The following NAALAD2 variants were observed in gnomAD, a reference collection of about 807,000 sequenced individuals.
The protein encoded by NAALAD2 is N-acetylated alpha-linked acidic dipeptidase 2, also known as N-acetylated-alpha-linked acidic dipeptidase 2.
In NAALAD2, 89 loss-of-function variants were observed where a neutral mutation model predicts 95.6. That is an observed-to-expected ratio of 0.93 (90% CI 0.78 to 1.11). The LOEUF (loss-of-function observed/expected upper bound fraction) is 1.11, where lower values mean the gene tolerates loss of function less well. Among genes scored for constraint, NAALAD2 ranks in the 50% least tolerant of loss-of-function variants. NAALAD2 has a pLI of 0.00. For synonymous variants in NAALAD2, 264 were observed against 294.4 expected (o/e 0.90, Z 1.06); for missense variants, 894 against 872.4 (o/e 1.02, Z -0.31).
At chr11:90,132,857 T>G (rs1951373501), upstream of NAALAD2, among the ~76,000 whole-genome samples, 1 of 152,170 alleles carries the variant, frequency 6.6e-6, no homozygotes, top group South Asian at 2.1e-4. Flanking sequence ...TAAAAAACAC[T>G]GGAGGAGTCA....
At position 90,192,820 on chromosome 11, in the gene NAALAD2, T is replaced by A. The variant is rs1414561706; in HGVS notation, c.*1073T>A. On this transcript the variant is annotated 3_prime_UTR_variant, in exon 19 of 19. Transcript: ENST00000534061. ...GTATATCAGAATCTGCAAACTTTTA[T>A]GCAGATCCCAGTGACTCAATTACAT... 6.6e-6 allele frequency: 1 copy of A among 152,152 alleles called. No homozygotes were observed. The highest frequency in any genetic ancestry group is 2.4e-5 in the African/African-American group (1 of 41,570). 9.4% of individuals were successfully genotyped at this position (152,152 alleles called of 1,614,324 possible).
At chr11:90,169,321 G>T in intron 12 of NAALAD2, 1 of 183,742 alleles carries the variant, frequency 5.4e-6, no homozygotes, top group South Asian at 1.5e-4. Context: ...AATGGAATTT[G>T]GCTAAAACAG....
chr11:90,187,199 T>G (rs561876923), intron 18 of NAALAD2, among the ~76,000 whole-genome samples: 1 of 151,218 alleles, frequency 6.6e-6, no homozygotes, highest in East Asian at 2.0e-4. Context: ...TGTGGAGAAA[T>G]AGGAACACTT....
chr11:90,143,889 G>A (rs1951683931), intron 2 of NAALAD2, among the ~76,000 whole-genome samples: 1 of 152,156 alleles, frequency 6.6e-6, no homozygotes, highest in African/African-American at 2.4e-5. Flanking sequence ...CTACCCATCT[G>A]TGCTGTTGAT....
At position 90,192,113 on chromosome 11, in the gene NAALAD2, T is replaced by G. The variant is rs1469378065; in HGVS notation, c.*366T>G. 1 of 154,100 alleles carries G rather than the reference T, an allele frequency of 6.5e-6. No homozygotes were observed. Among genetic ancestry groups the G allele is most frequent in the African/African-American group, 2.4e-5 (1 of 41,538 alleles). The allele number at this position is 154,100 out of a possible 1,614,324, so 9.5% of individuals were successfully genotyped here. ...TAAAGTTAAACATACACTTTTACTTTAGGACTCCAGAATTCCACTTCTAGT... is the reference window on the plus strand; with the variant it reads ...TAAAGTTAAACATACACTTTTACTTGAGGACTCCAGAATTCCACTTCTAGT... On this transcript the variant is annotated 3_prime_UTR_variant, in exon 19 of 19. Transcript: ENST00000534061.
At chr11:90,174,255 C>T (rs767313921) in intron 14 of NAALAD2, among the ~76,000 whole-genome samples, 11 of 151,610 alleles carry the variant, frequency 7.3e-5, no homozygotes, top group Middle Eastern at 3.4e-3. Context: ...TGCTTGAACC[C>T]GGGAGGCAGA....
At chr11:90,189,888 G>A (rs886749756) in intron 18 of NAALAD2, among the ~76,000 whole-genome samples, 4 of 152,160 alleles carry the variant, frequency 2.6e-5, no homozygotes, top group Non-Finnish European at 5.9e-5. Context: ...AGTCTGCTCA[G>A]TAGTTCTTGA....
At chr11:90,155,122 TATATA>T (rs1208907627) in intron 6 of NAALAD2, among the ~76,000 whole-genome samples, 5 of 131,096 alleles carry the variant, frequency 3.8e-5, no homozygotes, top group Admixed American at 3.5e-4. Flanking sequence ...TATGTGTGTA[TATATA>T]ATATACGTAT....
intron 5 of NAALAD2, 23 bp from the exon 6 acceptor site, chr11:90,152,275 T>C: frequency 6.4e-7 from 1 of 1,555,780 alleles, no homozygotes; most frequent in Non-Finnish European, 8.8e-7. Flanking sequence ...ATCTGCATTA[T>C]GAATTGCACA....
upstream of NAALAD2, among the ~76,000 whole-genome samples, chr11:90,134,158 G>A (rs759953913): frequency 4.6e-5 from 7 of 152,136 alleles, no homozygotes; most frequent in African/African-American, 1.7e-4. Flanking sequence ...TCAGTTAAAT[G>A]AGTGGAAACA....
intron 18 of NAALAD2, among the ~76,000 whole-genome samples, chr11:90,190,096 T>C (rs964252696): frequency 1.3e-5 from 2 of 152,166 alleles, no homozygotes; most frequent in African/African-American, 4.8e-5. Context: ...GCTGCCTGCT[T>C]CTTATCTGAG....
chr11:90,168,913 T>C lies in NAALAD2; in HGVS notation c.1279-16T>C. The stretch of plus-strand genomic sequence containing the variant: ...TAAGTAATGTGAATTAAGTAACAAC[T>C]TTGCTTCAACTACAGGAGAATGTCA... On this transcript the variant is annotated splice_polypyrimidine_tract_variant and intron_variant, in intron 11 of 18. Transcript: ENST00000534061. 1 of 1,590,404 alleles carries C rather than the reference T, an allele frequency of 6.3e-7. No homozygotes were observed. The highest frequency in any genetic ancestry group is 8.6e-7 in the Non-Finnish European group (1 of 1,167,800).
chr11:90,182,023 A>G (rs950300721), intron 17 of NAALAD2, among the ~76,000 whole-genome samples: 1 of 152,036 alleles, frequency 6.6e-6, no homozygotes, highest in Non-Finnish European at 1.5e-5. Context: ...CAAGGGCCAA[A>G]GGTACCTGTC....
chr11:90,190,630 C>A (rs1200596718), intron 18 of NAALAD2, among the ~76,000 whole-genome samples: 1 of 151,970 alleles, frequency 6.6e-6, no homozygotes, highest in Non-Finnish European at 1.5e-5. Flanking sequence ...GGTCAGGATA[C>A]CAATGCTTAT....
At chr11:90,160,977 C>CA (rs1952277730) in intron 8 of NAALAD2, among the ~76,000 whole-genome samples, 1 of 152,134 alleles carries the variant, frequency 6.6e-6, no homozygotes. Flanking sequence ...AGGCCAACTC[C>CA]AAATCATTGC....
rs7939362 is a variant in NAALAD2 at position 90,170,905 on chromosome 11, A to G, written c.1410+769A>G. On this transcript the variant is annotated intron_variant, in intron 13 of 18. Transcript: ENST00000534061. ...GCGTTGGTGGGAAAGATGGTAAGAA[A>G]TGAGGCATAACCAATGGGCCAAGGA... 4.9e-3 allele frequency among the ~76,000 whole-genome samples: 752 copies of G among 152,302 alleles called. 7 individuals are homozygous for G. The highest frequency in any genetic ancestry group is 0.017 in the African/African-American group (706 of 41,564).
At chr11:90,183,614 C>T (rs1199318719) in intron 18 of NAALAD2, among the ~76,000 whole-genome samples, 1 of 152,104 alleles carries the variant, frequency 6.6e-6, no homozygotes, top group Non-Finnish European at 1.5e-5. Flanking sequence ...AGGCAATACA[C>T]ATTAAGTAGA....
intron 7 of NAALAD2, chr11:90,158,695 A>G (rs1253207358): frequency 1.1e-5 from 2 of 174,910 alleles, no homozygotes; most frequent in African/African-American, 2.4e-5. Context: ...GGGTTATTAT[A>G]AGATCATATG....
At chr11:90,138,099 T>C (rs1214100971) in intron 2 of NAALAD2, among the ~76,000 whole-genome samples, 4 of 152,176 alleles carry the variant, frequency 2.6e-5, no homozygotes, top group African/African-American at 9.7e-5. Flanking sequence ...AGCAATAACA[T>C]AGACAATTAA....
Sources: allele counts gnomAD v4.1 joint callset (sites outside exome capture counted in the v4.1 genomes callset), GRCh38; gene constraint gnomAD v4.1.1; transcripts MANE v1.5; gene names NCBI Gene and HGNC (gene_info 2026-07-23, HGNC 2026-07-21).